Variants in CLASP2 observed in about 807,000 individuals in gnomAD.
The protein encoded by CLASP2 is cytoplasmic linker associated protein 2.
A neutral mutation model predicts 194.4 loss-of-function variants in CLASP2; 47 were observed. That is an observed-to-expected ratio of 0.24 (90% CI 0.19 to 0.31). The LOEUF is 0.31. Ranked by LOEUF, CLASP2 falls within the 10% of genes least tolerant of loss-of-function variation. The probability of loss-of-function intolerance (pLI) is 1.00; values close to 1 mark genes in which losing one functional copy is unlikely to be tolerated. For missense variants in CLASP2, 1,445 were observed against 1,823.6 expected (o/e 0.79, Z 3.78); for synonymous variants, 619 against 633.5 (o/e 0.98, Z 0.34).
At chr3:33,686,921 T>C (rs1038819385) in intron 5 of CLASP2, 139 bp downstream of exon 5, 2 of 547,862 alleles carry the variant, frequency 3.7e-6, no homozygotes, top group African/African-American at 3.9e-5. Context: ...CTTTGATGGA[T>C]TTTTTTTAAT....
At chr3:33,503,817 C>T (rs2047420546) in intron 37 of CLASP2, 1 of 152,144 alleles carries the variant, frequency 6.6e-6, no homozygotes, top group Non-Finnish European at 1.5e-5. Flanking sequence ...TATAAGGGTT[C>T]CAATTTTTGT....
chr3:33,581,504 T>C (rs543699592), intron 23 of CLASP2, among the ~76,000 whole-genome samples: 1 of 152,332 alleles, frequency 6.6e-6, no homozygotes, highest in Non-Finnish European at 1.5e-5. Flanking sequence ...AGATTAAATA[T>C]TTAAATATCT....
At chr3:33,685,628 A>G (rs1440581712) in intron 5 of CLASP2, among the ~76,000 whole-genome samples, 2 of 152,218 alleles carry the variant, frequency 1.3e-5, no homozygotes, top group Admixed American at 1.3e-4. Context: ...TCAGCCTAAA[A>G]AAGAAGGGAA....
chr3:33,573,730 A>G (rs1344216856), intron 24 of CLASP2, among the ~76,000 whole-genome samples: 1 of 152,154 alleles, frequency 6.6e-6, no homozygotes, highest in Non-Finnish European at 1.5e-5. Flanking sequence ...AGAAGAAAAT[A>G]TTACCTTTTT....
At chr3:33,669,216 C>T (rs1000632436) in intron 6 of CLASP2, among the ~76,000 whole-genome samples, 1 of 152,040 alleles carries the variant, frequency 6.6e-6, no homozygotes, top group African/African-American at 2.4e-5. Flanking sequence ...TGAGTATCCA[C>T]ACGAAAAAAA....
chr3:33,581,397 T>A (rs550163884), intron 23 of CLASP2, among the ~76,000 whole-genome samples: 87 of 152,208 alleles, frequency 5.7e-4, no homozygotes, highest in Non-Finnish European at 1.1e-3. Context: ...TGTGGCATTC[T>A]TTTTAGTAAC....
intron 29 of CLASP2, among the ~76,000 whole-genome samples, chr3:33,555,550 T>C (rs1022272086): frequency 8.6e-5 from 13 of 152,022 alleles, no homozygotes; most frequent in Non-Finnish European, 1.8e-4. Context: ...AAATTTTTTG[T>C]AGAGATGGGG....
chr3:33,579,144 G>A (rs774686913), intron 23 of CLASP2, among the ~76,000 whole-genome samples: 29 of 152,184 alleles, frequency 1.9e-4, no homozygotes, highest in Non-Finnish European at 4.1e-4. Context: ...TAAATAAAAT[G>A]GCTATAAAAA....
Position 33,592,539 on chromosome 3 carries a change from A to G in CLASP2, c.1967-43T>C, listed in dbSNP as rs750428540. 41 of 1,390,020 alleles carry G rather than the reference A, an allele frequency of 2.9e-5. No homozygotes were observed. The South Asian group carries it at 5.1e-4, about 17-fold the overall frequency. The allele number at this position is 1,390,020 out of a possible 1,614,324, so 86.1% of individuals were successfully genotyped here. ...TACATAATTAAAAACATTTTTCTATAATAATGTTTAATAATGAGAGGAGAA... is the reference window on the plus strand; with the variant it reads ...TACATAATTAAAAACATTTTTCTATGATAATGTTTAATAATGAGAGGAGAA... On this transcript the variant is annotated intron_variant, in intron 20 of 38. Coordinates refer to ENST00000682230, the MANE Select transcript of CLASP2 (RefSeq NM_001365631.1).
chr3:33,673,170 A>C (rs1361105733), intron 6 of CLASP2, among the ~76,000 whole-genome samples: 1 of 152,196 alleles, frequency 6.6e-6, no homozygotes, highest in Non-Finnish European at 1.5e-5. Context: ...ATGAAGGAAA[A>C]AATGTTAAGG....
intron 22 of CLASP2, 27 bp from the exon 23 acceptor site, chr3:33,581,955 C>G (rs765831027): frequency 6.7e-7 from 1 of 1,489,054 alleles, no homozygotes; most frequent in Non-Finnish European, 9.4e-7. Flanking sequence ...GCAGCACACA[C>G]AGTAAGGGAG....
At chr3:33,612,901 G>A (rs894923003) in intron 12 of CLASP2, among the ~76,000 whole-genome samples, 1 of 152,096 alleles carries the variant, frequency 6.6e-6, no homozygotes, top group Non-Finnish European at 1.5e-5. Context: ...GATAGGGGGA[G>A]GAGGGAGTGA....
intron 7 of CLASP2, chr3:33,659,471 G>A (rs1042221231): frequency 3.0e-5 from 28 of 921,362 alleles, no homozygotes; most frequent in South Asian, 1.0e-4. Context: ...ACTGATTTGC[G>A]CCTTTTTAAA....
chr3:33,560,190 AG>A (rs1198400035), intron 28 of CLASP2, among the ~76,000 whole-genome samples: 1 of 152,166 alleles, frequency 6.6e-6, no homozygotes, highest in African/African-American at 2.4e-5. Flanking sequence ...TACTTTTTAT[AG>A]TAGACTAAAT....
chr3:33,508,328 T>C (rs1327180951), intron 37 of CLASP2, among the ~76,000 whole-genome samples: 2 of 151,802 alleles, frequency 1.3e-5, no homozygotes, highest in Non-Finnish European at 2.9e-5. Context: ...CTAAGAAATA[T>C]ATATACATAT....
At chr3:33,523,662 C>T (rs1033012231) in intron 34 of CLASP2, among the ~76,000 whole-genome samples, 2 of 152,122 alleles carry the variant, frequency 1.3e-5, no homozygotes, top group African/African-American at 2.4e-5. Context: ...TAAATATATA[C>T]ATTGGCAATT....
intron 1 of CLASP2, among the ~76,000 whole-genome samples, chr3:33,708,202 C>T (rs2092786671): frequency 6.6e-6 from 1 of 151,838 alleles, no homozygotes. Flanking sequence ...ACCCTTTGAC[C>T]AATACCTCCC....
chr3:33,556,485 G>C (rs2060944898), intron 29 of CLASP2, among the ~76,000 whole-genome samples: 1 of 150,556 alleles, frequency 6.6e-6, no homozygotes, highest in African/African-American at 2.5e-5. Flanking sequence ...ATCCAGGCTA[G>C]AGGGCAGTGG....
chr3:33,706,665 TTAAAA>T (rs2092700146), intron 1 of CLASP2, among the ~76,000 whole-genome samples: 1 of 152,066 alleles, frequency 6.6e-6, no homozygotes, highest in Non-Finnish European at 1.5e-5. Context: ...TTCTTTAAAA[TTAAAA>T]TAAAATCTAG....
Sources: allele counts gnomAD v4.1 joint callset (sites outside exome capture counted in the v4.1 genomes callset), GRCh38; gene constraint gnomAD v4.1.1; transcripts MANE v1.5; gene names NCBI Gene and HGNC (gene_info 2026-07-23, HGNC 2026-07-21).